WDR72: variants seen among roughly 807,000 people sequenced by gnomAD.
WDR72 encodes the protein WD repeat-containing protein 72.
A neutral mutation model predicts 124.2 loss-of-function variants in WDR72; 120 were observed. That is an observed-to-expected ratio of 0.97 (90% CI 0.83 to 1.12). The LOEUF is 1.12. Ranked by LOEUF, WDR72 falls within the 50% of genes most tolerant of loss-of-function variation. WDR72 has a pLI of 0.00. For synonymous variants in WDR72, 452 were observed against 441.7 expected (o/e 1.02, Z -0.29); for missense variants, 1,387 against 1,278.8 (o/e 1.08, Z -1.29).
intron 13 of WDR72, among the ~76,000 whole-genome samples, chr15:53,680,156 G>A (rs56268718): frequency 0.075 from 11,450 of 152,120 alleles, 1,092 homozygotes; most frequent in African/African-American, 0.22. Context: ...TATTCTCTGA[G>A]ATAAGATAGG....
In WDR72 at chr15:53,597,134, C is replaced by T; in HGVS notation, c.3093G>A (p.Leu1031=). The T allele has an allele frequency of 6.2e-7, 1 of 1,613,874 alleles. No homozygotes were observed. Among genetic ancestry groups the T allele is most frequent in the Admixed American group, 1.7e-5 (1 of 59,988 alleles). The change falls in exon 18 of 20, where the codon CTG becomes CTA. Residue 1031 remains leucine (L), a synonymous_variant. Coordinates refer to ENST00000360509, the MANE Select transcript of WDR72 (RefSeq NM_182758.4). ...GTAACTCTAGTTCTTCTGTCCATTC[C>T]AGCTTTGGCAGCATCTGCTTCATCT... is the stretch of plus-strand genomic sequence containing the variant. ...NCEMKQMLPK[L]EWTEELELQC...
At chr15:53,543,082 C>G (rs1230306206) in intron 18 of WDR72, among the ~76,000 whole-genome samples, 24 of 144,344 alleles carry the variant, frequency 1.7e-4, no homozygotes, top group Non-Finnish European at 4.6e-5. Flanking sequence ...TTAGACAGAT[C>G]AACGAGACAG....
rs145716431 is a variant in WDR72 at position 53,595,931 on chromosome 15, T to G, written c.3148+1148A>C. On this transcript the variant is annotated intron_variant, in intron 18 of 19. Transcript: ENST00000360509. ...AATTGAATTTACCATAATCAGCAAC[T>G]GTCCTGGCATTAAAACATATTCTAC... Among the ~76,000 whole-genome samples, 713 of 152,304 alleles carry G rather than the reference T, an allele frequency of 4.7e-3. 3 individuals carry two copies. Among genetic ancestry groups the G allele is most frequent in the African/African-American group, 0.016 (677 of 41,576 alleles).
At chr15:53,680,182 G>A (rs904383266) in intron 13 of WDR72, among the ~76,000 whole-genome samples, 2 of 152,110 alleles carry the variant, frequency 1.3e-5, no homozygotes, top group Non-Finnish European at 2.9e-5. Context: ...AGAATGCTCA[G>A]TTTCCTGCAA....
intron 18 of WDR72, among the ~76,000 whole-genome samples, chr15:53,586,390 T>C (rs1308019953): frequency 1.3e-5 from 2 of 152,098 alleles, no homozygotes; most frequent in Non-Finnish European, 1.5e-5. Flanking sequence ...TTTGAAATTA[T>C]GTTCCCAATC....
intron 17 of WDR72, among the ~76,000 whole-genome samples, chr15:53,606,425 T>A (rs180925155): frequency 2.0e-5 from 3 of 152,194 alleles, no homozygotes; most frequent in Admixed American, 6.5e-5. Context: ...TCATTAAATA[T>A]GTATTGACTG....
intron 18 of WDR72, among the ~76,000 whole-genome samples, chr15:53,568,922 T>A (rs1297911007): frequency 6.6e-6 from 1 of 152,080 alleles, no homozygotes; most frequent in Non-Finnish European, 1.5e-5. Context: ...TGGTACGATA[T>A]ATACTATATA....
intron 19 of WDR72, among the ~76,000 whole-genome samples, chr15:53,520,161 A>C (rs183817116): frequency 4.7e-4 from 71 of 152,246 alleles, no homozygotes; most frequent in Non-Finnish European, 8.7e-4. Context: ...GATGTTTACA[A>C]GGTTTGCAAA....
At chr15:53,561,781 C>T (rs1894131690) in intron 18 of WDR72, among the ~76,000 whole-genome samples, 1 of 151,786 alleles carries the variant, frequency 6.6e-6, no homozygotes, top group South Asian at 2.1e-4. Flanking sequence ...TGCCAGCACC[C>T]TACTATAGAC....
At chr15:53,613,869 C>G in intron 15 of WDR72, 112 bp from the exon 16 acceptor site, 1 of 687,940 alleles carries the variant, frequency 1.5e-6, no homozygotes, top group South Asian at 1.6e-5. Flanking sequence ...AAATTGAATA[C>G]AAATTATTTT....
At chr15:53,704,914 CTTG>C in intron 11 of WDR72, 71 bp downstream of exon 11, 1 of 1,552,238 alleles carries the variant, frequency 6.4e-7, no homozygotes, top group Non-Finnish European at 8.7e-7. Context: ...GCCTCTAAAT[CTTG>C]TTTAGTGCAG....
At chr15:53,596,789 C>A (rs2012795676) in intron 18 of WDR72, among the ~76,000 whole-genome samples, 1 of 152,134 alleles carries the variant, frequency 6.6e-6, no homozygotes, top group Admixed American at 6.6e-5. Context: ...CTTGGCTCAG[C>A]TCTTGAAGAG....
At chr15:53,535,322 C>G (rs1441441727) in intron 18 of WDR72, among the ~76,000 whole-genome samples, 1 of 152,148 alleles carries the variant, frequency 6.6e-6, no homozygotes, top group Non-Finnish European at 1.5e-5. Context: ...AAGAGATTCT[C>G]CCTTACCTCT....
intron 18 of WDR72, among the ~76,000 whole-genome samples, chr15:53,575,006 A>AAC (rs3081214): frequency 0.24 from 35,583 of 147,062 alleles, 4,475 homozygotes; most frequent in Middle Eastern, 0.38. Flanking sequence ...AATCAAACAC[A>AAC]ACACACACAC....
At chr15:53,725,411 C>G (rs926010757) in intron 2 of WDR72, among the ~76,000 whole-genome samples, 1 of 152,118 alleles carries the variant, frequency 6.6e-6, no homozygotes, top group Non-Finnish European at 1.5e-5. Flanking sequence ...TCATATAAAA[C>G]TAAACATATT....
chr15:53,556,954 A>G (rs942172428), intron 18 of WDR72, among the ~76,000 whole-genome samples: 2 of 152,118 alleles, frequency 1.3e-5, no homozygotes, highest in African/African-American at 4.8e-5. Flanking sequence ...TAATTAACTC[A>G]GGTTATTAGA....
chr15:53,629,565 T>C (rs1308305865), intron 14 of WDR72, among the ~76,000 whole-genome samples: 4 of 152,092 alleles, frequency 2.6e-5, no homozygotes, highest in Non-Finnish European at 5.9e-5. Flanking sequence ...TTAAAAAATA[T>C]AGCAGGGGCA....
rs2015217373 is a variant in WDR72 at position 53,650,947 on chromosome 15, A to G, written c.1962+14625T>C. 2.8e-5 allele frequency among the ~76,000 whole-genome samples: 4 copies of G among 145,170 alleles called. No individual in the cohort carries two copies. In the South Asian group the frequency reaches 8.4e-4, roughly 31 times the overall value. On this transcript the variant is annotated intron_variant, in intron 14 of 19. Coordinates refer to ENST00000360509, the MANE Select transcript of WDR72 (RefSeq NM_182758.4). Reference sequence around the variant, plus strand: ...GCAAACAAAACGACCTTTTCAAAACATAAATCAAATCATGTTACTCCTTTT... The same window carrying G: ...GCAAACAAAACGACCTTTTCAAAACGTAAATCAAATCATGTTACTCCTTTT...
rs868723893 is a variant in WDR72 at position 53,699,880 on chromosome 15, C to T, written c.1635G>A (p.Glu545=). 9.3e-6 allele frequency: 15 copies of T among 1,614,182 alleles called. No homozygotes were observed. In the Middle Eastern group the frequency reaches 1.3e-3, roughly 142 times the overall value. Residue 545 remains glutamate, a synonymous_variant, in exon 13 of 20, where the codon GAG becomes GAA. Transcript: ENST00000360509. ...GDHSVALLHL[E]GKSCLLHARK... ...GGGCATGCAGGAGGCAACTCTTTCC[C>T]TCAAGGTGAAGGAGAGCCACGGAAT... is the stretch of plus-strand genomic sequence containing the variant.
Sources: gnomAD v4.1 joint callset for allele counts (sites outside exome capture counted in the v4.1 genomes callset) on GRCh38, gnomAD v4.1.1 for gene constraint, MANE v1.5 for transcripts, NCBI Gene and HGNC (gene_info 2026-07-23, HGNC 2026-07-21) for gene names.